Variants in PEBP4 observed in about 807,000 individuals in gnomAD.
PEBP4 encodes phosphatidylethanolamine-binding protein 4.
PEBP4 carries 22 observed loss-of-function variants against 23.9 expected under a neutral mutation model. The observed-to-expected ratio is 0.92, with a 90% CI of 0.66 to 1.31. The LOEUF is 1.31. Among genes scored for constraint, PEBP4 ranks in the 40% most tolerant of loss-of-function variants. PEBP4 has a pLI of 0.00. For missense variants in PEBP4, 324 were observed against 281.7 expected, an observed-to-expected ratio of 1.15 and a Z score of -1.07; for synonymous variants, 112 against 99.3, an observed-to-expected ratio of 1.13 and a Z score of -0.76.
intron 3 of PEBP4, among the ~76,000 whole-genome samples, chr8:22,820,109 G>A (rs1189939823): frequency 4.6e-5 from 7 of 152,168 alleles, no homozygotes; most frequent in Non-Finnish European, 7.3e-5. Flanking sequence ...CAAGATAATT[G>A]GAAGGTGAGA....
chr8:22,808,358 T>C (rs1462497937), intron 4 of PEBP4, among the ~76,000 whole-genome samples: 1 of 152,208 alleles, frequency 6.6e-6, no homozygotes, highest in African/African-American at 2.4e-5. Context: ...CATTCACCCA[T>C]CTCTTCCTCC....
At chr8:22,728,039 C>T (rs1232350799) in intron 4 of PEBP4, among the ~76,000 whole-genome samples, 4 of 152,132 alleles carry the variant, frequency 2.6e-5, no homozygotes, top group Non-Finnish European at 4.4e-5. Context: ...CCCCAAGGCC[C>T]CTAGGTGTGG....
At chr8:22,925,176 G>A in intron 2 of PEBP4, 18 of 985,404 alleles carry the variant, frequency 1.8e-5, no homozygotes, top group Non-Finnish European at 2.2e-5. Flanking sequence ...TGACAATAAA[G>A]ACAAAGCTCC....
At chr8:22,850,187 C>T (rs540868235) in intron 3 of PEBP4, among the ~76,000 whole-genome samples, 1 of 151,878 alleles carries the variant, frequency 6.6e-6, no homozygotes, top group South Asian at 2.1e-4. Flanking sequence ...AGTGATTGAG[C>T]TGGGATGATT....
chr8:22,867,466 G>C (rs1807930101), intron 3 of PEBP4, among the ~76,000 whole-genome samples: 1 of 152,138 alleles, frequency 6.6e-6, no homozygotes, highest in East Asian at 1.9e-4. Flanking sequence ...TAGCACACCA[G>C]CTTATTAAAG....
intron 1 of PEBP4, among the ~76,000 whole-genome samples, chr8:22,936,441 T>TA (rs1223915343): frequency 4.6e-5 from 7 of 151,934 alleles, no homozygotes; most frequent in African/African-American, 1.7e-4. Context: ...CCACAACTAG[T>TA]AAGAAGATTG....
chr8:22,832,164 G>A (rs1807097276), intron 3 of PEBP4, among the ~76,000 whole-genome samples: 1 of 152,174 alleles, frequency 6.6e-6, no homozygotes, highest in Non-Finnish European at 1.5e-5. Flanking sequence ...CACACCCTCT[G>A]TAGTGCAGCA....
chr8:22,862,792 T>C (rs1807805252), intron 3 of PEBP4, among the ~76,000 whole-genome samples: 1 of 140,540 alleles, frequency 7.1e-6, no homozygotes, highest in South Asian at 2.4e-4. Flanking sequence ...GGGCCCACCC[T>C]CATAACCTTT....
intron 4 of PEBP4, among the ~76,000 whole-genome samples, chr8:22,789,788 G>A (rs17088624): frequency 0.43 from 64,847 of 152,052 alleles, 13,927 homozygotes; most frequent in Middle Eastern, 0.5. Flanking sequence ...CCTTCCTCCA[G>A]AAAAAATTCC....
chr8:22,745,380 C>T (rs1805090528), intron 4 of PEBP4, among the ~76,000 whole-genome samples: 1 of 152,104 alleles, frequency 6.6e-6, no homozygotes, highest in Non-Finnish European at 1.5e-5. Flanking sequence ...GTGGGGTAGC[C>T]CTGGTGATTC....
At chr8:22,724,171 G>T (rs145238296) in intron 6 of PEBP4, among the ~76,000 whole-genome samples, 89 of 152,294 alleles carry the variant, frequency 5.8e-4, no homozygotes, top group African/African-American at 2.0e-3. Flanking sequence ...TCGGGGGCAT[G>T]GCTCACACTG....
upstream of PEBP4, among the ~76,000 whole-genome samples, chr8:22,932,256 G>A (rs1233798257): frequency 2.0e-5 from 3 of 152,086 alleles, no homozygotes; most frequent in Non-Finnish European, 4.4e-5. Flanking sequence ...GATAAGACGT[G>A]AATGAGAGGT....
At chr8:22,912,178 G>A (rs945940560) in intron 3 of PEBP4, among the ~76,000 whole-genome samples, 1 of 152,218 alleles carries the variant, frequency 6.6e-6, no homozygotes, top group Non-Finnish European at 1.5e-5. Flanking sequence ...GAGCCACCCT[G>A]AGTAAGACAG....
At chr8:22,793,937 C>T (rs1806191162) in intron 4 of PEBP4, among the ~76,000 whole-genome samples, 1 of 152,146 alleles carries the variant, frequency 6.6e-6, no homozygotes, top group Non-Finnish European at 1.5e-5. Flanking sequence ...TGAGAAGATA[C>T]TGGATGACAT....
intron 3 of PEBP4, among the ~76,000 whole-genome samples, chr8:22,856,047 CAAA>C (rs34409506): frequency 1.1e-4 from 10 of 91,634 alleles, no homozygotes; most frequent in Admixed American, 3.8e-4. Context: ...GACCCTGTCT[CAAA>C]AAAAAAAAAA....
intron 3 of PEBP4, among the ~76,000 whole-genome samples, chr8:22,826,236 G>C (rs1806966091): frequency 6.6e-6 from 1 of 152,212 alleles, no homozygotes; most frequent in African/African-American, 2.4e-5. Context: ...ACTTGAAGAA[G>C]GCAGGATGAA....
chr8:22,815,541 T>A (rs928110701), intron 4 of PEBP4, among the ~76,000 whole-genome samples: 1 of 152,080 alleles, frequency 6.6e-6, no homozygotes, highest in East Asian at 1.9e-4. Context: ...CTGTGGCTGG[T>A]GGAATTTTGG....
intron 3 of PEBP4, among the ~76,000 whole-genome samples, chr8:22,842,140 G>T (rs754317136): frequency 1.3e-5 from 2 of 152,218 alleles, no homozygotes; most frequent in African/African-American, 4.8e-5. Context: ...ACAGATAAAA[G>T]GAACTGCTAA....
Position 22,847,892 on chromosome 8 carries a change from C to G in PEBP4, c.259-30157G>C, listed in dbSNP as rs115360568. 3.7e-3 allele frequency among the ~76,000 whole-genome samples: 561 copies of G among 152,308 alleles called. 3 individuals carry two copies. Among genetic ancestry groups the G allele is most frequent in the African/African-American group, 0.013 (524 of 41,552 alleles). ...ATGCTCAGAACCTGAGCCTGCCACT[C>G]TCAGTGGGGGTAATCGCTGAACTCT... On this transcript the variant is annotated intron_variant, in intron 3 of 6. Transcript: ENST00000256404.
Sources: gnomAD v4.1 joint callset for allele counts (sites outside exome capture counted in the v4.1 genomes callset) on GRCh38, gnomAD v4.1.1 for gene constraint, MANE v1.5 for transcripts, NCBI Gene and HGNC (gene_info 2026-07-23, HGNC 2026-07-21) for gene names.